GPR161: variants seen among roughly 807,000 people sequenced by gnomAD.
The protein encoded by GPR161 is G-protein coupled receptor RE2.
A neutral mutation model predicts 39.2 loss-of-function variants in GPR161; 25 were observed. That is an observed-to-expected ratio of 0.64 (90% CI 0.47 to 0.89). The LOEUF is 0.89. Ranked by LOEUF, GPR161 falls within the 40% of genes least tolerant of loss-of-function variation. The pLI, the probability that GPR161 is intolerant of heterozygous loss-of-function variation, is 0.00. For missense variants in GPR161, 547 were observed against 677.8 expected (o/e 0.81, Z 2.14); for synonymous variants, 286 against 276.6 (o/e 1.03, Z -0.34).
In GPR161 at chr1:168,090,566, G is replaced by A; in HGVS notation, c.1202C>T (p.Ser401Leu). 1 of 1,580,638 alleles carries A rather than the reference G, an allele frequency of 6.3e-7. No individual in the cohort carries two copies. The highest frequency in any genetic ancestry group is 8.7e-7 in the Non-Finnish European group (1 of 1,149,684). The part of the protein sequence containing the change: ...GDTGFSCSQD[S>L]GTDMMLLEDY... ...GGCTTATAAAGCACGCAGGTTACCTGAGTCCTGGGAGCAGCTGAAGCCAGT... is the reference window on the plus strand; with the variant it reads ...GGCTTATAAAGCACGCAGGTTACCTAAGTCCTGGGAGCAGCTGAAGCCAGT... The change falls in exon 4 of 6, where the codon TCA (serine) becomes TTA (leucine). Residue 401 changes from serine (S) to leucine (L), a missense_variant and splice_region_variant. Physicochemically the swap from Ser to Leu is moderately radical, Grantham distance 145. Coordinates refer to ENST00000682931, the MANE Select transcript of GPR161 (RefSeq NM_001375883.1).
At chr1:168,127,300 C>T (rs1698664074) in intron 1 of GPR161, among the ~76,000 whole-genome samples, 1 of 152,004 alleles carries the variant, frequency 6.6e-6, no homozygotes, top group South Asian at 2.1e-4. Flanking sequence ...GCCTGACCAA[C>T]ATGGTGAAAC....
intron 1 of GPR161, among the ~76,000 whole-genome samples, chr1:168,122,874 C>G (rs143567688): frequency 1.2e-3 from 176 of 152,298 alleles, no homozygotes; most frequent in Non-Finnish European, 1.5e-3. Flanking sequence ...ATGTCTTACT[C>G]TTTCACAAGA....
chr1:168,135,073 G>A (rs1287485195), intron 1 of GPR161: 1 of 1,472,342 alleles, frequency 6.8e-7, no homozygotes, highest in Non-Finnish European at 9.0e-7. Context: ...TATCGTTGCG[G>A]CCTTGGATTA....
At chr1:168,131,990 C>T (rs1699024623) in intron 1 of GPR161, among the ~76,000 whole-genome samples, 1 of 152,166 alleles carries the variant, frequency 6.6e-6, no homozygotes, top group African/African-American at 2.4e-5. Context: ...ACTGGCCAGG[C>T]GCGGTGACTC....
At chr1:168,097,997 G>A (rs568685365) in intron 2 of GPR161, among the ~76,000 whole-genome samples, 4 of 152,164 alleles carry the variant, frequency 2.6e-5, no homozygotes, top group African/African-American at 4.8e-5. Context: ...GGGCGGGTCC[G>A]AATCACTCAG....
chr1:168,084,950 C>A lies in GPR161; in HGVS notation c.*581G>T, dbSNP rs937903561. ...CAGCAGGTGGCGCCACTGAGGACCGCTCCGAAGCGCTCTGCTCCTGGGTGC... is the reference window on the plus strand; with the variant it reads ...CAGCAGGTGGCGCCACTGAGGACCGATCCGAAGCGCTCTGCTCCTGGGTGC... On this transcript the variant is annotated 3_prime_UTR_variant, in exon 6 of 6. Transcript: ENST00000682931. The A allele has an allele frequency of 2.2e-6, 1 of 456,202 alleles. No homozygotes were observed. The highest frequency in any genetic ancestry group is 4.4e-6 in the Non-Finnish European group (1 of 226,976). 28.3% of individuals were successfully genotyped at this position (456,202 alleles called of 1,614,324 possible).
intron 2 of GPR161, among the ~76,000 whole-genome samples, chr1:168,099,366 T>C (rs964304118): frequency 3.9e-5 from 6 of 152,204 alleles, no homozygotes; most frequent in Non-Finnish European, 8.8e-5. Flanking sequence ...TTCTACTTTT[T>C]TTCTATCCCT....
At chr1:168,104,444 T>A in intron 2 of GPR161, 33 bp downstream of exon 2, 1 of 1,571,970 alleles carries the variant, frequency 6.4e-7, no homozygotes, top group Non-Finnish European at 8.7e-7. Context: ...CCGTCAGTAA[T>A]CCCTCAATTC....
chr1:168,128,161 A>G (rs1698725076), intron 1 of GPR161, among the ~76,000 whole-genome samples: 4 of 152,140 alleles, frequency 2.6e-5, no homozygotes, highest in South Asian at 2.1e-4. Flanking sequence ...GAAATTGCAT[A>G]TATTTTCTTT....
chr1:168,099,268 T>G (rs748869407), intron 2 of GPR161, among the ~76,000 whole-genome samples: 1 of 152,118 alleles, frequency 6.6e-6, no homozygotes, highest in African/African-American at 2.4e-5. Flanking sequence ...GCAAATGAAA[T>G]GTGAGGGGGT....
intron 1 of GPR161, chr1:168,136,399 A>G (rs1229348892): frequency 7.1e-7 from 1 of 1,403,870 alleles, no homozygotes. Flanking sequence ...CCTCCCATCC[A>G]GCGGACTGTT....
intron 1 of GPR161, among the ~76,000 whole-genome samples, chr1:168,116,664 C>G (rs1048333953): frequency 2.0e-5 from 3 of 152,204 alleles, no homozygotes; most frequent in African/African-American, 7.2e-5. Context: ...CCCTCCTGCC[C>G]TCCCTTCATC....
In GPR161 at chr1:168,124,299, C is replaced by A. The variant is rs371002101; in HGVS notation, c.-45+12440G>T. On this transcript the variant is annotated intron_variant, in intron 1 of 5. Coordinates refer to ENST00000682931, the MANE Select transcript of GPR161 (RefSeq NM_001375883.1). ...AAATGCACTAACACTCAAGCTAATC[C>A]TCAGGAAATGCTCCATTCTAGATAG... Among the ~76,000 whole-genome samples the A allele has an allele frequency of 9.2e-5, 14 of 152,262 alleles. No homozygotes were observed. The South Asian group carries it at 2.9e-3, about 32-fold the overall frequency.
chr1:168,119,271 T>TGTAC (rs1697953265), intron 1 of GPR161, among the ~76,000 whole-genome samples: 1 of 106,392 alleles, frequency 9.4e-6, no homozygotes, highest in Non-Finnish European at 2.0e-5. Flanking sequence ...TATATATGTG[T>TGTAC]ATATATATAT....
intron 1 of GPR161, among the ~76,000 whole-genome samples, chr1:168,109,507 G>A (rs1427539808): frequency 2.0e-5 from 3 of 152,176 alleles, no homozygotes; most frequent in Non-Finnish European, 2.9e-5. Context: ...TAAAGAGTAG[G>A]TTCTAGAAGG....
Position 168,085,252 on chromosome 1 carries a change from C to G in GPR161, c.*279G>C, listed in dbSNP as rs1366896463. 2 of 513,550 alleles carry G rather than the reference C, an allele frequency of 3.9e-6. No homozygotes were observed. Among genetic ancestry groups the G allele is most frequent in the Non-Finnish European group, 7.0e-6 (2 of 284,002 alleles). 31.8% of individuals were successfully genotyped at this position (513,550 alleles called of 1,614,324 possible). A position where few individuals can be genotyped will look rare whatever the true frequency, so the allele number is the denominator to read the frequency against. On this transcript the variant is annotated 3_prime_UTR_variant, in exon 6 of 6. Transcript: ENST00000682931. ...CTCCCAAAAAGCCACAGCCACATCT[C>G]TAGATTTTTTTTTGGTTTTTTTTTT...
At chr1:168,095,872 C>T (rs1465478494) in intron 3 of GPR161, among the ~76,000 whole-genome samples, 3 of 152,112 alleles carry the variant, frequency 2.0e-5, no homozygotes, top group Non-Finnish European at 4.4e-5. Context: ...TGGTGGCTCA[C>T]GCTTGTAATC....
chr1:168,126,529 G>T (rs1698605892), intron 1 of GPR161, among the ~76,000 whole-genome samples: 1 of 152,114 alleles, frequency 6.6e-6, no homozygotes, highest in South Asian at 2.1e-4. Flanking sequence ...ACAGCCCACT[G>T]TAGCCTCGAA....
chr1:168,091,223 G>C (rs1273715876), intron 3 of GPR161, among the ~76,000 whole-genome samples: 1 of 152,106 alleles, frequency 6.6e-6, no homozygotes, highest in East Asian at 1.9e-4. Flanking sequence ...AACGGGGTTG[G>C]GGGGTAGGGG....
Sources: gnomAD v4.1 joint callset for allele counts (sites outside exome capture counted in the v4.1 genomes callset) on GRCh38, gnomAD v4.1.1 for gene constraint, MANE v1.5 for transcripts, NCBI Gene and HGNC (gene_info 2026-07-23, HGNC 2026-07-21) for gene names.